LRFN5: variants seen among roughly 807,000 people sequenced by gnomAD.
LRFN5 encodes leucine-rich repeat and fibronectin type-III domain-containing protein 5.
A neutral mutation model predicts 45.6 loss-of-function variants in LRFN5; 24 were observed. That is an observed-to-expected ratio of 0.53 (90% confidence interval 0.38 to 0.74). LRFN5 has a LOEUF of 0.74. LRFN5 is among the 30% of genes least tolerant of loss of function. The pLI is 0.00. For missense variants in LRFN5, 776 were observed against 861.5 expected, an observed-to-expected ratio of 0.90 and a Z score of 1.24; for synonymous variants, 340 against 313.8, an observed-to-expected ratio of 1.08 and a Z score of -0.88.
chr14:41,641,345 C>A (rs1451667346), intron 1 of LRFN5, among the ~76,000 whole-genome samples: 1 of 152,004 alleles, frequency 6.6e-6, no homozygotes, highest in African/African-American at 2.4e-5. Flanking sequence ...GAAGTGAATT[C>A]ATCTTTCTCT....
chr14:41,810,130 A>C (rs1407025718), intron 2 of LRFN5, among the ~76,000 whole-genome samples: 1 of 152,110 alleles, frequency 6.6e-6, no homozygotes, highest in Non-Finnish European at 1.5e-5. Flanking sequence ...TTTATGACAT[A>C]ATTGTAGACC....
intron 4 of LRFN5, chr14:41,893,393 T>C (rs2139166384): frequency 1.0e-6 from 1 of 985,032 alleles, no homozygotes; most frequent in Non-Finnish European, 1.2e-6. Context: ...AGGTTTTATT[T>C]TGTTTTGTTT....
At chr14:41,879,886 T>C (rs1449291132) in intron 2 of LRFN5, among the ~76,000 whole-genome samples, 1 of 150,834 alleles carries the variant, frequency 6.6e-6, no homozygotes, top group Non-Finnish European at 1.5e-5. Context: ...TCTCATTTTT[T>C]CTTAATTATC....
chr14:41,736,118 C>A (rs1052593342), intron 1 of LRFN5, among the ~76,000 whole-genome samples: 6 of 152,072 alleles, frequency 3.9e-5, no homozygotes, highest in Non-Finnish European at 8.8e-5. Context: ...TGGTTATATA[C>A]CCAGCAATGG....
chr14:41,673,438 C>CG (rs1194709653), intron 1 of LRFN5, among the ~76,000 whole-genome samples: 30 of 141,024 alleles, frequency 2.1e-4, no homozygotes, highest in Non-Finnish European at 3.9e-4. Flanking sequence ...GCTGGCCGGG[C>CG]GGGGGGGCTG....
At position 41,674,935 on chromosome 14, in the gene LRFN5, C is replaced by T. The variant is rs548136530; in HGVS notation, c.-197+66373C>T. Reference sequence around the variant, plus strand: ...CTCACCTCCCAGACGGGGTCGCGGCCGGGTAGAGGCGCTCCTCACATCCCA... The same window carrying T: ...CTCACCTCCCAGACGGGGTCGCGGCTGGGTAGAGGCGCTCCTCACATCCCA... On this transcript the variant is annotated intron_variant, in intron 1 of 5. Coordinates refer to ENST00000298119, the MANE Select transcript of LRFN5 (RefSeq NM_152447.5). Among the ~76,000 whole-genome samples, 4 of 151,280 alleles carry T rather than the reference C, an allele frequency of 2.6e-5. No individual in the cohort carries two copies. In the East Asian group the frequency reaches 6.0e-4, roughly 23 times the overall value.
At chr14:41,817,589 G>A (rs965226758) in intron 2 of LRFN5, among the ~76,000 whole-genome samples, 1 of 152,126 alleles carries the variant, frequency 6.6e-6, no homozygotes, top group Non-Finnish European at 1.5e-5. Flanking sequence ...AGGTCACTTA[G>A]ACTCTGATGA....
intron 2 of LRFN5, among the ~76,000 whole-genome samples, chr14:41,782,990 T>TTTTTC (rs1555317743): frequency 2.6e-5 from 4 of 151,048 alleles, no homozygotes; most frequent in South Asian, 2.1e-4. Context: ...TTTTTTTTTT[T>TTTTTC]CTATTAGATG....
At chr14:41,711,062 G>A (rs1378388454) in intron 1 of LRFN5, among the ~76,000 whole-genome samples, 1 of 151,954 alleles carries the variant, frequency 6.6e-6, no homozygotes, top group African/African-American at 2.4e-5. Flanking sequence ...ACTCAAAATA[G>A]TAATTGAAAC....
At chr14:41,816,299 A>C (rs961205793) in intron 2 of LRFN5, among the ~76,000 whole-genome samples, 1 of 152,088 alleles carries the variant, frequency 6.6e-6, no homozygotes, top group African/African-American at 2.4e-5. Context: ...TTTTGCTATT[A>C]TTATTTTTAA....
At chr14:41,647,660 A>T (rs1879881581) in intron 1 of LRFN5, among the ~76,000 whole-genome samples, 1 of 152,174 alleles carries the variant, frequency 6.6e-6, no homozygotes, top group Admixed American at 6.6e-5. Flanking sequence ...CATCAGGAGG[A>T]TAAAGTGTTC....
intron 1 of LRFN5, among the ~76,000 whole-genome samples, chr14:41,728,320 C>T (rs1460337844): frequency 6.6e-6 from 1 of 152,032 alleles, no homozygotes; most frequent in Non-Finnish European, 1.5e-5. Flanking sequence ...AATCTATAAT[C>T]CAGAGAAGAA....
intron 1 of LRFN5, among the ~76,000 whole-genome samples, chr14:41,732,876 T>C (rs538631320): frequency 6.6e-6 from 1 of 151,020 alleles, no homozygotes; most frequent in East Asian, 1.9e-4. Flanking sequence ...GAAAAATCAA[T>C]AAATTTACAG....
intron 2 of LRFN5, among the ~76,000 whole-genome samples, chr14:41,826,434 A>G (rs1023493476): frequency 6.6e-6 from 1 of 151,988 alleles, no homozygotes; most frequent in Non-Finnish European, 1.5e-5. Flanking sequence ...TCTTTTCTCC[A>G]TTAATACTCT....
chr14:41,898,958 C>T lies in LRFN5; in HGVS notation c.2140C>T (p.Gln714Ter). 6.2e-7 allele frequency: 1 copy of T among 1,610,516 alleles called. No individual in the cohort carries two copies. The highest frequency in any genetic ancestry group is 8.5e-7 in the Non-Finnish European group (1 of 1,178,242). ...TNVDQIVQET[Q>*]RLELI ...TGTTGACCAGATTGTCCAGGAAACA[C>T]AGGTGAGATTCTTATTACCTATAAC... Residue 714 changes from glutamine to a stop codon, truncating the protein, a stop_gained and splice_region_variant, in exon 5 of 6, where the codon CAG becomes TAG. Coordinates refer to ENST00000298119, the MANE Select transcript of LRFN5 (RefSeq NM_152447.5). LOFTEE classifies it high-confidence loss of function.
intron 2 of LRFN5, among the ~76,000 whole-genome samples, chr14:41,810,461 A>G (rs542483926): frequency 6.6e-6 from 1 of 152,144 alleles, no homozygotes; most frequent in African/African-American, 2.4e-5. Context: ...TATCATCCAT[A>G]GTAAAATCAG....
chr14:41,708,224 A>C (rs1883144706), intron 1 of LRFN5, among the ~76,000 whole-genome samples: 1 of 151,996 alleles, frequency 6.6e-6, no homozygotes, highest in Non-Finnish European at 1.5e-5. Flanking sequence ...TGATTGCCGG[A>C]AACTTTAAAC....
intron 1 of LRFN5, among the ~76,000 whole-genome samples, chr14:41,745,175 T>G (rs1006005817): frequency 1.3e-5 from 2 of 152,042 alleles, no homozygotes; most frequent in African/African-American, 4.8e-5. Context: ...ACATAAAATA[T>G]TTACTCTGGT....
chr14:41,608,882 G>T (rs1353499700), intron 1 of LRFN5, among the ~76,000 whole-genome samples: 1 of 152,204 alleles, frequency 6.6e-6, no homozygotes, highest in African/African-American at 2.4e-5. Flanking sequence ...CCTTCAGGCT[G>T]TGGTTGCCAC....
Sources: gnomAD v4.1 joint callset for allele counts (sites outside exome capture counted in the v4.1 genomes callset) on GRCh38, gnomAD v4.1.1 for gene constraint, MANE v1.5 for transcripts, NCBI Gene and HGNC (gene_info 2026-07-23, HGNC 2026-07-21) for gene names.